ALDH1A1: variants seen among roughly 807,000 people sequenced by gnomAD.
The protein encoded by ALDH1A1 is aldehyde dehydrogenase 1A1.
In ALDH1A1, 19 loss-of-function variants were observed where a neutral mutation model predicts 62.1. The ratio of observed to expected loss-of-function variants is 0.31; its 90% CI spans 0.21 to 0.45. ALDH1A1 has a LOEUF of 0.45. ALDH1A1 is among the 20% of genes least tolerant of loss of function. The pLI, the probability that ALDH1A1 is intolerant of heterozygous loss-of-function variation, is 1.00. For synonymous variants in ALDH1A1, 231 were observed against 215.9 expected (o/e 1.07, Z -0.61); for missense variants, 521 against 607.1 (o/e 0.86, Z 1.49).
intron 4 of ALDH1A1, among the ~76,000 whole-genome samples, chr9:72,928,304 C>T (rs1184540223): frequency 1.3e-5 from 2 of 152,028 alleles, no homozygotes; most frequent in Non-Finnish European, 1.5e-5. Context: ...GTGCATACCC[C>T]ACTAAAATAA....
intron 7 of ALDH1A1, among the ~76,000 whole-genome samples, chr9:72,919,820 T>C (rs887544774): frequency 2.6e-5 from 4 of 152,236 alleles, no homozygotes; most frequent in African/African-American, 9.6e-5. Flanking sequence ...CCTACAGTTC[T>C]GGTTTCTTCT....
chr9:72,944,702 T>C (rs1421936629), intron 1 of ALDH1A1, among the ~76,000 whole-genome samples: 1 of 152,106 alleles, frequency 6.6e-6, no homozygotes, highest in African/African-American at 2.4e-5. Flanking sequence ...TTTTTGCCTT[T>C]AGCCAGCTTA....
intron 5 of ALDH1A1, 75 bp from the exon 6 acceptor site, chr9:72,925,687 C>G: frequency 2.7e-6 from 4 of 1,501,880 alleles, no homozygotes; most frequent in Non-Finnish European, 3.6e-6. Context: ...CCATATTATA[C>G]ACCCCCTGTA....
intron 12 of ALDH1A1, among the ~76,000 whole-genome samples, chr9:72,905,251 A>G (rs906228739): frequency 6.6e-6 from 1 of 152,160 alleles, no homozygotes; most frequent in African/African-American, 2.4e-5. Flanking sequence ...AAACAAAATC[A>G]ACTAAGCATA....
intron 12 of ALDH1A1, 108 bp from the exon 13 acceptor site, chr9:72,901,388 A>T: frequency 1.4e-6 from 1 of 695,760 alleles, no homozygotes; most frequent in Non-Finnish European, 2.4e-6. Context: ...GCTAGGGACA[A>T]TAGAAAATAT....
At chr9:72,910,396 C>T (rs1006428902) in intron 10 of ALDH1A1, among the ~76,000 whole-genome samples, 2 of 152,106 alleles carry the variant, frequency 1.3e-5, no homozygotes, top group African/African-American at 4.8e-5. Context: ...CAGAATTGTT[C>T]CTTACTGCAA....
chr9:72,920,641 C>G (rs984539110), intron 7 of ALDH1A1, among the ~76,000 whole-genome samples: 7 of 152,174 alleles, frequency 4.6e-5, no homozygotes, highest in African/African-American at 1.7e-4. Context: ...GAAAGAAAGT[C>G]TACACTTTTG....
chr9:72,949,260 T>G (rs1830509337), intron 1 of ALDH1A1, among the ~76,000 whole-genome samples: 1 of 151,932 alleles, frequency 6.6e-6, no homozygotes, highest in Non-Finnish European at 1.5e-5. Flanking sequence ...CTAAGTTGGC[T>G]GCAAACTTTC....
intron 1 of ALDH1A1, among the ~76,000 whole-genome samples, chr9:72,950,198 C>T (rs891015040): frequency 7.9e-5 from 12 of 151,852 alleles, no homozygotes; most frequent in African/African-American, 2.9e-4. Context: ...GCATTAAGTT[C>T]GTTTAATACT....
chr9:72,929,677 C>T (rs116227151), intron 3 of ALDH1A1, among the ~76,000 whole-genome samples: 19 of 152,194 alleles, frequency 1.2e-4, no homozygotes, highest in Non-Finnish European at 1.5e-5. Flanking sequence ...TCTTCTTAAG[C>T]AGGACCTTAA....
At chr9:72,938,857 G>A (rs1830378683) in intron 2 of ALDH1A1, among the ~76,000 whole-genome samples, 2 of 149,794 alleles carry the variant, frequency 1.3e-5, no homozygotes, top group African/African-American at 4.9e-5. Context: ...ATTATCCTGC[G>A]TCAGCCTCCC....
Position 72,917,077 on chromosome 9 carries a change from T to C in ALDH1A1, c.878A>G (p.His293Arg), listed in dbSNP as rs767993204. The change falls in exon 9 of 13, where the codon CAT becomes CGT. Residue 293 changes from histidine (H) to arginine (R), a missense_variant. Physicochemically the swap from His to Arg is conservative, Grantham distance 29. Coordinates refer to ENST00000297785, the MANE Select transcript of ALDH1A1 (RefSeq NM_000689.5). ...CTGGCCCTGGTGGTAGAATACCCCA[T>C]GGTGTGCAAATTCAACAGCATTGTC... ...DLDNAVEFAHHGVFYHQGQCC... is the reference protein window; with the variant it reads ...DLDNAVEFAHRGVFYHQGQCC... 5 of 1,607,394 alleles carry C rather than the reference T, an allele frequency of 3.1e-6. No homozygotes were observed. The highest frequency in any genetic ancestry group is 4.5e-5 in the East Asian group (2 of 44,516).
In ALDH1A1 at chr9:72,917,842, GT is replaced by G. The variant is rs1830083467; in HGVS notation, c.851-739del. 2.6e-5 allele frequency among the ~76,000 whole-genome samples: 4 copies of G among 152,272 alleles called. No homozygotes were observed. The South Asian group carries it at 8.3e-4, about 32-fold the overall frequency. On this transcript the variant is annotated intron_variant, in intron 8 of 12. Coordinates refer to ENST00000297785, the MANE Select transcript of ALDH1A1 (RefSeq NM_000689.5). Reference sequence around the variant, plus strand: ...CTAAATGCTGAAGATTCAATTCAATGTTATAGCAACTGGGTATGATTATTAT... The same window carrying G: ...CTAAATGCTGAAGATTCAATTCAATGTATAGCAACTGGGTATGATTATTAT...
chr9:72,903,756 C>G (rs955204858), intron 12 of ALDH1A1, among the ~76,000 whole-genome samples: 2 of 151,942 alleles, frequency 1.3e-5, no homozygotes, highest in Admixed American at 1.3e-4. Context: ...ACCTTAAAGT[C>G]TGACCAAATT....
chr9:72,925,825 G>A (rs1395822607), intron 5 of ALDH1A1, among the ~76,000 whole-genome samples: 1 of 152,036 alleles, frequency 6.6e-6, no homozygotes, highest in East Asian at 1.9e-4. Context: ...GGAAATAGGA[G>A]AGAACCTCAA....
chr9:72,929,560 T>C (rs1280762529), intron 3 of ALDH1A1, among the ~76,000 whole-genome samples: 2 of 152,240 alleles, frequency 1.3e-5, no homozygotes, highest in African/African-American at 4.8e-5. Context: ...AAACTACCAG[T>C]GTTGCCATTA....
chr9:72,913,973 C>T (rs961491746), intron 9 of ALDH1A1, among the ~76,000 whole-genome samples: 5 of 152,226 alleles, frequency 3.3e-5, no homozygotes, highest in African/African-American at 1.2e-4. Context: ...CTTCAGAAGG[C>T]ATCAGGCTGA....
Position 72,930,890 on chromosome 9 carries a change from G to A in ALDH1A1, c.301C>T (p.Leu101=). 1 of 1,614,024 alleles carries A rather than the reference G, an allele frequency of 6.2e-7. No individual in the cohort carries two copies. Among genetic ancestry groups the A allele is most frequent in the Non-Finnish European group, 8.5e-7 (1 of 1,179,944 alleles). The part of the protein sequence containing the change: ...KLADLIERDR[L]LLATMESMNG... ...TGGATAATACTCACCGCCAGCAGCA[G>A]ACGATCTCTTTCGATTAAATCAGCC... Residue 101 remains leucine (L), a synonymous_variant, in exon 3 of 13, where the codon CTG becomes TTG. Transcript: ENST00000297785.
intron 8 of ALDH1A1, 141 bp from the exon 9 acceptor site, chr9:72,917,245 G>A: frequency 1.9e-6 from 1 of 522,382 alleles, no homozygotes; most frequent in Non-Finnish European, 2.9e-6. Context: ...CCTCCTACCA[G>A]CCAGGTGGCA....
Sources: allele counts gnomAD v4.1 joint callset (sites outside exome capture counted in the v4.1 genomes callset), GRCh38; gene constraint gnomAD v4.1.1; transcripts MANE v1.5; gene names NCBI Gene and HGNC (gene_info 2026-07-23, HGNC 2026-07-21).